Variants in SLC8A1 observed in about 807,000 individuals in gnomAD.
The protein encoded by SLC8A1 is sodium/calcium exchanger 1.
Under a neutral mutation model 68.3 loss-of-function variants are expected in SLC8A1, and 18 were observed. The observed-to-expected ratio is 0.26, with a 90% CI of 0.18 to 0.39. SLC8A1 has a LOEUF of 0.39. SLC8A1 is among the 10% of genes least tolerant of loss of function. The pLI, the probability that SLC8A1 is intolerant of heterozygous loss-of-function variation, is 1.00. For missense variants in SLC8A1, 985 were observed against 1,156.7 expected, an observed-to-expected ratio of 0.85 and a Z score of 2.15; for synonymous variants, 475 against 415.5, an observed-to-expected ratio of 1.14 and a Z score of -1.74.
intron 2 of SLC8A1, among the ~76,000 whole-genome samples, chr2:40,339,095 C>A (rs768710): frequency 0.29 from 43,439 of 151,998 alleles, 7,700 homozygotes; most frequent in South Asian, 0.45. Flanking sequence ...TTTTCAAGAA[C>A]CAAGATGATT....
At chr2:40,132,782 G>A (rs2148220132) in intron 7 of SLC8A1, among the ~76,000 whole-genome samples, 1 of 152,218 alleles carries the variant, frequency 6.6e-6, no homozygotes, top group Non-Finnish European at 1.5e-5. Flanking sequence ...TTGAAAGGAG[G>A]CAAAATCAGT....
intron 2 of SLC8A1, among the ~76,000 whole-genome samples, chr2:40,227,273 T>C (rs960882373): frequency 2.6e-5 from 4 of 151,974 alleles, no homozygotes; most frequent in East Asian, 3.9e-4. Flanking sequence ...CTATCTGTAA[T>C]AGAATATCTT....
intron 2 of SLC8A1, among the ~76,000 whole-genome samples, chr2:40,319,027 C>T (rs932603974): frequency 5.3e-5 from 8 of 152,040 alleles, no homozygotes; most frequent in African/African-American, 1.9e-4. Context: ...TCCCAGGAAA[C>T]AGGATTTGGA....
chr2:40,461,270 A>G (rs1238032529), intron 1 of SLC8A1, among the ~76,000 whole-genome samples: 1 of 152,132 alleles, frequency 6.6e-6, no homozygotes. Flanking sequence ...GGCAGAGAGG[A>G]TATTTCACCA....
chr2:40,504,679 A>G (rs1481781372), intron 1 of SLC8A1, among the ~76,000 whole-genome samples: 5 of 152,108 alleles, frequency 3.3e-5, no homozygotes, highest in African/African-American at 1.2e-4. Flanking sequence ...TCAAAAGAAG[A>G]CATACAAATG....
intron 4 of SLC8A1, among the ~76,000 whole-genome samples, chr2:40,173,411 A>C (rs756678339): frequency 6.6e-6 from 1 of 152,202 alleles, no homozygotes; most frequent in East Asian, 1.9e-4. Flanking sequence ...CAACACAAAG[A>C]CTTGTCCTGT....
chr2:40,145,436 A>G (rs568828574), intron 6 of SLC8A1, among the ~76,000 whole-genome samples: 1 of 152,146 alleles, frequency 6.6e-6, no homozygotes, highest in Non-Finnish European at 1.5e-5. Context: ...ACAAGTCTGT[A>G]TGTAAAGCGG....
chr2:40,496,086 G>A, intron 1 of SLC8A1, among the ~76,000 whole-genome samples: 1 of 152,038 alleles, frequency 6.6e-6, no homozygotes, highest in East Asian at 1.9e-4. Context: ...CATTATCATT[G>A]CCTGCTCACT....
At chr2:40,500,107 T>G (rs1370231318) in intron 1 of SLC8A1, among the ~76,000 whole-genome samples, 1 of 151,940 alleles carries the variant, frequency 6.6e-6, no homozygotes, top group Admixed American at 6.6e-5. Flanking sequence ...ATATATACCA[T>G]CTTTATTGGC....
At chr2:40,479,217 G>T (rs1175642926) in intron 1 of SLC8A1, among the ~76,000 whole-genome samples, 1 of 152,114 alleles carries the variant, frequency 6.6e-6, no homozygotes, top group East Asian at 1.9e-4. Context: ...GCTTTTTGGT[G>T]GAAATTCAAT....
chr2:40,160,730 A>T (rs768551214), intron 6 of SLC8A1, 35 bp downstream of exon 9: 234 of 1,590,372 alleles, frequency 1.5e-4, no homozygotes, highest in Non-Finnish European at 1.1e-4. Flanking sequence ...AGATTGGGCA[A>T]TTTTAATTTA....
At position 40,275,254 on chromosome 2, in the gene SLC8A1, T is replaced by C. The variant is rs112202234; in HGVS notation, c.1809-97399A>G. ...GCAGGTAAGTAACTAATTATGACCA[T>C]GAGGCACCTACAGGACAGAGAGGCC... On this transcript the variant is annotated intron_variant, in intron 2 of 7. Transcript: ENST00000406785. 2.2e-3 allele frequency among the ~76,000 whole-genome samples: 333 copies of C among 152,294 alleles called. 1 individual carries two copies. Among genetic ancestry groups the C allele is most frequent in the African/African-American group, 7.6e-3 (314 of 41,576 alleles).
At chr2:40,387,310 C>G (rs1683871112) in intron 2 of SLC8A1, among the ~76,000 whole-genome samples, 1 of 151,352 alleles carries the variant, frequency 6.6e-6, no homozygotes, top group Non-Finnish European at 1.5e-5. Context: ...CTTCCCATTA[C>G]TGTGGCATGT....
intron 2 of SLC8A1, among the ~76,000 whole-genome samples, chr2:40,288,834 C>CATATATATATATATATATATGT (rs145077257): frequency 7.5e-6 from 1 of 132,684 alleles, no homozygotes; most frequent in African/African-American, 3.4e-5. Context: ...ACTAAGTAAT[C>CATATATATATATATATATATGT]ATATATATAT....
Position 40,291,283 on chromosome 2 carries a change from T to A in SLC8A1, c.1809-113428A>T, listed in dbSNP as rs907511836. Among the ~76,000 whole-genome samples, 6 of 151,460 alleles carry A rather than the reference T, an allele frequency of 4.0e-5. 1 individual carries two copies. Among genetic ancestry groups the A allele is most frequent in the Admixed American group, 2.6e-4 (4 of 15,216 alleles). On this transcript the variant is annotated intron_variant, in intron 2 of 7. Coordinates refer to ENST00000406785, the Ensembl canonical transcript of SLC8A1. ...TATTGAGAAGGCTTGTCCAAAGTGT[T>A]CAATCAGTGATTTTGAGTTTATGGA...
chr2:40,280,563 T>C (rs1185579152), intron 2 of SLC8A1, among the ~76,000 whole-genome samples: 1 of 152,222 alleles, frequency 6.6e-6, no homozygotes, highest in African/African-American at 2.4e-5. Context: ...AATTCATTTA[T>C]TAATCATTTT....
chr2:40,441,892 C>G (rs6544339), intron 1 of SLC8A1, among the ~76,000 whole-genome samples: 91,723 of 151,616 alleles, frequency 0.6, 30,851 homozygotes, highest in East Asian at 0.95. Flanking sequence ...AAAAGCAATT[C>G]CAACAAAAGC....
chr2:40,107,649 G>C (rs925753011), exon 8 of SLC8A1: 2 of 152,266 alleles, frequency 1.3e-5, no homozygotes, highest in East Asian at 3.9e-4. Context: ...AAAAAGGGGG[G>C]AGGTCAGGAA....
At chr2:40,238,578 G>A (rs1249658770) in intron 2 of SLC8A1, among the ~76,000 whole-genome samples, 6 of 152,180 alleles carry the variant, frequency 3.9e-5, no homozygotes, top group Non-Finnish European at 5.9e-5. Context: ...CGTCGCTCAC[G>A]CTGGGAGCTG....
Sources: allele counts gnomAD v4.1 joint callset (sites outside exome capture counted in the v4.1 genomes callset), GRCh38; gene constraint gnomAD v4.1.1; transcripts MANE v1.5; gene names NCBI Gene and HGNC (gene_info 2026-07-23, HGNC 2026-07-21).